The following ERBB4 variants were observed in gnomAD, a reference collection of about 807,000 sequenced individuals.
ERBB4 encodes receptor tyrosine-protein kinase erbB-4.
In ERBB4, 42 loss-of-function variants were observed where a neutral mutation model predicts 158.0. That is an observed-to-expected ratio of 0.27 (90% CI 0.21 to 0.34). The LOEUF (loss-of-function observed/expected upper bound fraction) is 0.34. Ranked by LOEUF, ERBB4 falls within the 10% of genes least tolerant of loss-of-function variation. The pLI, the probability that ERBB4 is intolerant of heterozygous loss-of-function variation, is 1.00. For missense variants in ERBB4, 1,333 were observed against 1,624.1 expected (o/e 0.82, Z 3.08); for synonymous variants, 583 against 558.7 (o/e 1.04, Z -0.61).
chr2:211,837,790 A>G (rs144737392), intron 3 of ERBB4, among the ~76,000 whole-genome samples: 46 of 152,162 alleles, frequency 3.0e-4, no homozygotes, highest in Admixed American at 4.6e-4. Context: ...TAATGTTGTC[A>G]TTTTCTGTGG....
At chr2:212,080,585 C>T (rs2078410235) in intron 2 of ERBB4, among the ~76,000 whole-genome samples, 1 of 145,868 alleles carries the variant, frequency 6.9e-6, no homozygotes, top group Admixed American at 6.8e-5. Flanking sequence ...CAGAGTTCAC[C>T]CAATTGGAGA....
chr2:212,537,144 C>G (rs1385386411), intron 1 of ERBB4, among the ~76,000 whole-genome samples: 2 of 125,710 alleles, frequency 1.6e-5, no homozygotes, highest in South Asian at 4.6e-4. Context: ...GCGGCGGCGG[C>G]GGCGGCGGCG....
chr2:212,057,703 G>T (rs1048851735), intron 2 of ERBB4, among the ~76,000 whole-genome samples: 3 of 152,148 alleles, frequency 2.0e-5, no homozygotes, highest in Non-Finnish European at 2.9e-5. Flanking sequence ...TGAAATGAAG[G>T]CAGAAACAAA....
chr2:211,795,738 A>G (rs1420789056), intron 3 of ERBB4, among the ~76,000 whole-genome samples: 1 of 151,842 alleles, frequency 6.6e-6, no homozygotes, highest in Non-Finnish European at 1.5e-5. Flanking sequence ...AAATTCCTGC[A>G]AATTGCCACA....
chr2:211,856,999 T>C (rs762587213), intron 3 of ERBB4, among the ~76,000 whole-genome samples: 1 of 152,164 alleles, frequency 6.6e-6, no homozygotes, highest in African/African-American at 2.4e-5. Context: ...AGTTATTATA[T>C]GTAATATAAT....
At chr2:211,403,142 G>A (rs1027676067) in intron 25 of ERBB4, among the ~76,000 whole-genome samples, 6 of 152,014 alleles carry the variant, frequency 3.9e-5, no homozygotes, top group African/African-American at 9.7e-5. Flanking sequence ...AACCTGGACT[G>A]CCCCTTTTCC....
At chr2:212,481,770 C>G (rs1689711269) in intron 1 of ERBB4, among the ~76,000 whole-genome samples, 2 of 152,200 alleles carry the variant, frequency 1.3e-5, no homozygotes, top group East Asian at 3.9e-4. Context: ...AGATGAAGTA[C>G]CCACAAACAA....
At chr2:212,019,404 CAT>C (rs1158378674) in intron 2 of ERBB4, among the ~76,000 whole-genome samples, 2 of 151,868 alleles carry the variant, frequency 1.3e-5, no homozygotes, top group African/African-American at 4.8e-5. Flanking sequence ...AAAATGCAAA[CAT>C]AAAAAATTTA....
chr2:212,304,381 T>C (rs543159828), intron 1 of ERBB4, among the ~76,000 whole-genome samples: 1 of 151,666 alleles, frequency 6.6e-6, no homozygotes, highest in Non-Finnish European at 1.5e-5. Context: ...CTTAGAAAAT[T>C]TATTCCACAC....
chr2:211,629,876 C>T (rs2070034651), intron 17 of ERBB4, among the ~76,000 whole-genome samples: 1 of 152,156 alleles, frequency 6.6e-6, no homozygotes, highest in African/African-American at 2.4e-5. Context: ...GCCTTCCTTA[C>T]ACCTTATACA....
intron 1 of ERBB4, among the ~76,000 whole-genome samples, chr2:212,395,980 T>C (rs1313988226): frequency 6.6e-6 from 1 of 152,120 alleles, no homozygotes; most frequent in Non-Finnish European, 1.5e-5. Context: ...CTTTTAGAGA[T>C]ACTACGAGAG....
rs1000222493 is a variant in ERBB4 at position 212,473,709 on chromosome 2, A to G, written c.82+64740T>C. On this transcript the variant is annotated intron_variant, in intron 1 of 27. Coordinates refer to ENST00000342788, the MANE Select transcript of ERBB4 (RefSeq NM_005235.3). ...ACTTTGGAATAAAACTATCTTATTA[A>G]TTTTGGTATATGGATAAAACTACAG... Among the ~76,000 whole-genome samples the G allele has an allele frequency of 2.0e-5, 3 of 152,184 alleles. No individual in the cohort carries two copies. In the East Asian group the frequency reaches 5.8e-4, roughly 29 times the overall value.
At chr2:212,399,337 A>G (rs1159439623) in intron 1 of ERBB4, among the ~76,000 whole-genome samples, 1 of 151,892 alleles carries the variant, frequency 6.6e-6, no homozygotes, top group Admixed American at 6.6e-5. Flanking sequence ...ATTTTCAGAC[A>G]TATCTTGAAA....
chr2:212,515,602 C>G (rs896319939), intron 1 of ERBB4, among the ~76,000 whole-genome samples: 1 of 151,682 alleles, frequency 6.6e-6, no homozygotes, highest in Admixed American at 6.6e-5. Flanking sequence ...TTTCACATAT[C>G]TCTATATGAA....
intron 1 of ERBB4, among the ~76,000 whole-genome samples, chr2:212,488,123 A>T (rs182502844): frequency 1.3e-5 from 2 of 151,890 alleles, no homozygotes; most frequent in African/African-American, 4.8e-5. Flanking sequence ...CAAACCTCCA[A>T]ACTCTATGGA....
chr2:212,209,046 C>A (rs2082852092), intron 1 of ERBB4, among the ~76,000 whole-genome samples: 1 of 151,942 alleles, frequency 6.6e-6, no homozygotes. Context: ...AAGATGTAGA[C>A]CCTCCTTTCC....
chr2:212,034,215 C>A (rs1469065795), intron 2 of ERBB4, among the ~76,000 whole-genome samples: 2 of 151,888 alleles, frequency 1.3e-5, no homozygotes, highest in African/African-American at 4.8e-5. Flanking sequence ...TTCAGAGAGA[C>A]TTCTCTGCAG....
chr2:211,462,470 G>A (rs749538976), intron 20 of ERBB4, among the ~76,000 whole-genome samples: 6 of 152,156 alleles, frequency 3.9e-5, no homozygotes, highest in Non-Finnish European at 7.3e-5. Context: ...CAATAAGTGA[G>A]CGAGAGTTAC....
intron 3 of ERBB4, among the ~76,000 whole-genome samples, chr2:211,810,043 T>C (rs2076713129): frequency 6.6e-6 from 1 of 152,220 alleles, no homozygotes; most frequent in Non-Finnish European, 1.5e-5. Flanking sequence ...GATTGCACTG[T>C]GGTCTGAGAG....
Sources: allele counts gnomAD v4.1 joint callset (sites outside exome capture counted in the v4.1 genomes callset), GRCh38; gene constraint gnomAD v4.1.1; transcripts MANE v1.5; gene names NCBI Gene and HGNC (gene_info 2026-07-23, HGNC 2026-07-21).